Variants in FHOD1 observed in about 807,000 individuals in gnomAD.
FHOD1 encodes the protein FH1/FH2 domain-containing protein 1.
A neutral mutation model predicts 111.6 loss-of-function variants in FHOD1; 89 were observed. The observed-to-expected ratio is 0.80, with a 90% CI of 0.67 to 0.95. The LOEUF is 0.95. Ranked by LOEUF, FHOD1 falls within the 40% of genes least tolerant of loss-of-function variation. FHOD1 has a pLI of 0.00. For synonymous variants in FHOD1, 618 were observed against 639.0 expected (o/e 0.97, Z 0.50); for missense variants, 1,446 against 1,554.2 (o/e 0.93, Z 1.17).
intron 1 of FHOD1, among the ~76,000 whole-genome samples, chr16:67,246,492 A>T (rs2142313410): frequency 6.6e-6 from 1 of 152,338 alleles, no homozygotes; most frequent in East Asian, 1.9e-4. Flanking sequence ...GGGCGGCAGC[A>T]AAGTAGGGCA....
chr16:67,246,728 G>A (rs935288860), intron 1 of FHOD1, among the ~76,000 whole-genome samples: 4 of 152,162 alleles, frequency 2.6e-5, no homozygotes, highest in Non-Finnish European at 5.9e-5. Context: ...TGACCTACAG[G>A]GTCAAGCCCC....
rs1597325462 is a variant in FHOD1, at chr16:67,237,420, T to G, written c.850-38A>C. On this transcript the variant is annotated intron_variant, in intron 8 of 21. Transcript: ENST00000258201. The surrounding 1 kb of genome is among the most constrained non-coding windows in gnomAD (Gnocchi z 5.6). ...GATAAGAAGGCAAGGCTGAGGTTGGTGGGGAGGTCAGGAGCCTGAGCATCC... is the reference window on the plus strand; with the variant it reads ...GATAAGAAGGCAAGGCTGAGGTTGGGGGGGAGGTCAGGAGCCTGAGCATCC... 6.2e-7 allele frequency: 1 copy of G among 1,613,550 alleles called. No individual in the cohort carries two copies. Among genetic ancestry groups the G allele is most frequent in the Middle Eastern group, 1.6e-4 (1 of 6,062 alleles).
In FHOD1 at chr16:67,247,396, T is replaced by C; in HGVS notation, c.15A>G (p.Glu5=). 6.2e-7 allele frequency: 1 copy of C among 1,612,654 alleles called. No homozygotes were observed. Among genetic ancestry groups the C allele is most frequent in the Non-Finnish European group, 8.5e-7 (1 of 1,179,580 alleles). The part of the protein sequence containing the change: MAGG[E]DRGDGEPVSV... ...ATACCGGCTCTCCGTCCCCGCGGTC[T>C]TCCCCGCCCGCCATGGCTCTGCGGC... Residue 5 remains glutamate (E), a synonymous_variant, in exon 1 of 22, where the codon GAA becomes GAG. Transcript: ENST00000258201.
chr16:67,238,751 C>T lies in FHOD1; in HGVS notation c.373+152G>A, dbSNP rs2034584613. ...ATTCTTGAATCCCCCTCCACTCCCA[C>T]CATGGCCCTGGAAGAAGAGGTCAGG... On this transcript the variant is annotated intron_variant, in intron 3 of 21. Coordinates refer to ENST00000258201, the MANE Select transcript of FHOD1 (RefSeq NM_013241.3). This position sits in a 1 kb window ranked among gnomAD's most constrained non-coding sequence, Gnocchi z 4.2. The T allele has an allele frequency of 6.6e-6, 5 of 760,706 alleles. No individual in the cohort carries two copies. In the Admixed American group the frequency reaches 1.1e-4, roughly 16 times the overall value. 47.1% of individuals were successfully genotyped at this position (760,706 alleles called of 1,614,324 possible). A position where few individuals can be genotyped will look rare whatever the true frequency, so the allele number is the denominator to read the frequency against.
At chr16:67,242,407 C>T (rs2034691839) in intron 1 of FHOD1, among the ~76,000 whole-genome samples, 1 of 152,214 alleles carries the variant, frequency 6.6e-6, no homozygotes, top group African/African-American at 2.4e-5. Context: ...AGCTGTCTGT[C>T]CTGGGTGGAA....
intron 13 of FHOD1, among the ~76,000 whole-genome samples, chr16:67,232,945 C>T (rs990841751): frequency 1.1e-4 from 16 of 151,650 alleles, no homozygotes; most frequent in East Asian, 7.8e-4. Flanking sequence ...TTAGTAGAGA[C>T]GGGGTTTCAC....
chr16:67,239,374 C>A lies in FHOD1; in HGVS notation c.282G>T (p.Met94Ile). 1 of 1,614,184 alleles carries A rather than the reference C, an allele frequency of 6.2e-7. No individual in the cohort carries two copies. Among genetic ancestry groups the A allele is most frequent in the Non-Finnish European group, 8.5e-7 (1 of 1,180,006 alleles). ...TGATCTCTTCATAGAAGCCCTCCAGCATCTCCCGCTGCTCTTCCAGGGACA... is the reference window on the plus strand; with the variant it reads ...TGATCTCTTCATAGAAGCCCTCCAGAATCTCCCGCTGCTCTTCCAGGGACA... ...TELSLEEQRE[M>I]LEGFYEEISK... Residue 94 changes from methionine to isoleucine, a missense_variant, in exon 2 of 22, where the codon ATG becomes ATT. Coordinates refer to ENST00000258201, the MANE Select transcript of FHOD1 (RefSeq NM_013241.3).
At chr16:67,240,902 G>A (rs749388316) in intron 1 of FHOD1, among the ~76,000 whole-genome samples, 7 of 152,214 alleles carry the variant, frequency 4.6e-5, no homozygotes, top group Non-Finnish European at 1.0e-4. Flanking sequence ...CCATCTTACT[G>A]GGCATGTCAA....
intron 13 of FHOD1, among the ~76,000 whole-genome samples, chr16:67,232,958 T>C (rs778923872): frequency 6.6e-6 from 1 of 151,942 alleles, no homozygotes; most frequent in Non-Finnish European, 1.5e-5. Context: ...GGTTTCACCA[T>C]GTTGGCCAGG....
At chr16:67,243,097 T>A (rs1314252811) in intron 1 of FHOD1, among the ~76,000 whole-genome samples, 3 of 152,146 alleles carry the variant, frequency 2.0e-5, no homozygotes, top group Admixed American at 6.6e-5. Context: ...CAGGTAAGAC[T>A]GAACATACCA....
chr16:67,240,647 G>A lies in FHOD1; in HGVS notation c.202-1193C>T, dbSNP rs140454243. On this transcript the variant is annotated intron_variant, in intron 1 of 21. Transcript: ENST00000258201. Reference sequence around the variant, plus strand: ...TCCACGTGTCCATGTTTCCCTCCCCGGGCTCTCCTCCCCCGCCACAAGGCA... The same window carrying A: ...TCCACGTGTCCATGTTTCCCTCCCCAGGCTCTCCTCCCCCGCCACAAGGCA... Among the ~76,000 whole-genome samples, 9 of 152,318 alleles carry A rather than the reference G, an allele frequency of 5.9e-5. No homozygotes were observed. In the East Asian group the frequency reaches 1.4e-3, roughly 23 times the overall value.
Position 67,230,225 on chromosome 16 carries a change from C to T in FHOD1, c.3055G>A (p.Glu1019Lys). The change falls in exon 20 of 22, where the codon GAG becomes AAG. Residue 1019 changes from glutamate (E) to lysine (K), a missense_variant. This residue lies in a region of FHOD1 where 1,085 missense variants were observed against 1,108.8 expected (regional missense o/e 0.98). Transcript: ENST00000258201. ...TCCCCAGCCACACCTGAGAACTTCT[C>T]TGTCTGGAGAAAGAAGAAGGGTGAG... ...KTRGRMITET[E>K]KFSGVAGEAP... The T allele has an allele frequency of 6.2e-7, 1 of 1,613,916 alleles. No individual in the cohort carries two copies. The highest frequency in any genetic ancestry group is 8.5e-7 in the Non-Finnish European group (1 of 1,179,844).
In FHOD1 at chr16:67,229,640, A is replaced by G. The variant is rs752089928; in HGVS notation, c.3491T>C (p.Val1164Ala). The change falls in exon 22 of 22, where the codon GTG (valine) becomes GCG (alanine). Residue 1164 changes from valine to alanine, a missense_variant. Val to Ala is a moderately conservative substitution (Grantham distance 64). Around this residue, in one of 3 missense-constraint regions of FHOD1, gnomAD observed 1,085 missense variants for 1,108.8 expected, o/e 0.98. Transcript: ENST00000258201. ...GATTTCCGGGATACAGCACCTTCAC[A>G]CCTCCAGGCCAGGACCCTTGCTTAG... ...LGLSKGPGLEV is the reference protein window; with the variant it reads ...LGLSKGPGLEA The G allele has an allele frequency of 1.9e-6, 3 of 1,613,492 alleles. No individual in the cohort carries two copies. The highest frequency in any genetic ancestry group is 2.5e-6 in the Non-Finnish European group (3 of 1,179,752).
intron 11 of FHOD1, 130 bp downstream of exon 11, chr16:67,236,427 G>C: frequency 6.7e-7 from 1 of 1,490,300 alleles, no homozygotes; most frequent in Non-Finnish European, 8.9e-7. Context: ...GAAGCAGTTT[G>C]GTGAAGTCTG....
intron 13 of FHOD1, among the ~76,000 whole-genome samples, chr16:67,232,796 G>A (rs930247401): frequency 1.3e-5 from 2 of 151,446 alleles, no homozygotes; most frequent in South Asian, 2.1e-4. Context: ...GATTACAGGC[G>A]TGTACCACCA....
In FHOD1 at chr16:67,238,330, T is replaced by G. The variant is rs927646517; in HGVS notation, c.442-23A>C. On this transcript the variant is annotated intron_variant, in intron 4 of 21. Coordinates refer to ENST00000258201, the MANE Select transcript of FHOD1 (RefSeq NM_013241.3). This position sits in a 1 kb window ranked among gnomAD's most constrained non-coding sequence, Gnocchi z 4.2. ...CTCCTAGAGGCACCATGGGGGAGTT[T>G]AGGGAAGCTTGGGCTACACACTTAC... 4 of 1,614,018 alleles carry G rather than the reference T, an allele frequency of 2.5e-6. No homozygotes were observed. The highest frequency in any genetic ancestry group is 3.4e-6 in the Non-Finnish European group (4 of 1,179,948).
chr16:67,236,372 C>G (rs750005839), intron 11 of FHOD1, 185 bp downstream of exon 11: 18 of 1,438,342 alleles, frequency 1.3e-5, no homozygotes, highest in South Asian at 1.5e-5. Flanking sequence ...AGGAGGAGAT[C>G]CAGTCAGAGC....
chr16:67,237,230 C>T lies in FHOD1; in HGVS notation c.993+9G>A. ...TCCAATCCGCCTCAGAGCGTAAGGCCCGGCCCACCTCGTAGAGCACAAGCT... is the reference window on the plus strand; with the variant it reads ...TCCAATCCGCCTCAGAGCGTAAGGCTCGGCCCACCTCGTAGAGCACAAGCT... On this transcript the variant is annotated intron_variant, in intron 9 of 21. Coordinates refer to ENST00000258201, the MANE Select transcript of FHOD1 (RefSeq NM_013241.3). This position sits in a 1 kb window ranked among gnomAD's most constrained non-coding sequence, Gnocchi z 5.6. The T allele has an allele frequency of 6.2e-7, 1 of 1,612,278 alleles. No individual in the cohort carries two copies. The highest frequency in any genetic ancestry group is 8.5e-7 in the Non-Finnish European group (1 of 1,178,880).
chr16:67,233,650 G>T lies in FHOD1; in HGVS notation c.2046+7C>A. On this transcript the variant is annotated splice_region_variant and intron_variant, in intron 13 of 21. Transcript: ENST00000258201. ...CTTGGGGCTACCTTGCAGATGAGTG[G>T]ATTTACCTTGGAGGGCAGCACCTCT... 1 of 1,585,026 alleles carries T rather than the reference G, an allele frequency of 6.3e-7. No individual in the cohort carries two copies. Among genetic ancestry groups the T allele is most frequent in the South Asian group, 1.1e-5 (1 of 88,608 alleles).
Sources: allele counts gnomAD v4.1 joint callset (sites outside exome capture counted in the v4.1 genomes callset), GRCh38; gene constraint gnomAD v4.1.1; regional missense constraint gnomAD v4.1.1; non-coding constraint Gnocchi (gnomAD v3.1); transcripts MANE v1.5; gene names NCBI Gene and HGNC (gene_info 2026-07-23, HGNC 2026-07-21).